The following PSMD14 variants were observed in gnomAD, a reference collection of about 807,000 sequenced individuals.
PSMD14 encodes the protein ubiquitin C-terminal hydrolase PSMD14.
A neutral mutation model predicts 41.2 loss-of-function variants in PSMD14; 7 were observed. The observed-to-expected ratio is 0.17, with a 90% CI of 0.10 to 0.32. PSMD14 has a LOEUF of 0.32. Ranked by LOEUF, PSMD14 falls within the 10% of genes least tolerant of loss-of-function variation. The pLI, the probability that PSMD14 is intolerant of heterozygous loss-of-function variation, is 1.00. For missense variants in PSMD14, 139 were observed against 375.6 expected (o/e 0.37, Z 5.21); for synonymous variants, 114 against 122.3 (o/e 0.93, Z 0.45).
At chr2:161,335,121 A>G (rs929429690) in intron 3 of PSMD14, among the ~76,000 whole-genome samples, 4 of 152,216 alleles carry the variant, frequency 2.6e-5, no homozygotes, top group Non-Finnish European at 4.4e-5. Context: ...GTATTTTTAA[A>G]TAGGTAAATA....
chr2:161,347,970 T>C (rs1446988272), intron 3 of PSMD14, among the ~76,000 whole-genome samples: 2 of 152,180 alleles, frequency 1.3e-5, no homozygotes, highest in East Asian at 1.9e-4. Flanking sequence ...AAGGTATTAG[T>C]CAATTATGTG....
intron 10 of PSMD14, among the ~76,000 whole-genome samples, chr2:161,396,693 G>C (rs1176445296): frequency 6.6e-6 from 1 of 152,168 alleles, no homozygotes; most frequent in African/African-American, 2.4e-5. Context: ...ACATGTTTAA[G>C]AAACAATATG....
chr2:161,348,086 A>G (rs1479235910), intron 3 of PSMD14, among the ~76,000 whole-genome samples: 1 of 152,198 alleles, frequency 6.6e-6, no homozygotes, highest in Non-Finnish European at 1.5e-5. Context: ...TGCTAGTGAG[A>G]GTATACAACC....
intron 7 of PSMD14, chr2:161,383,920 T>G: frequency 6.6e-6 from 1 of 151,692 alleles, no homozygotes; most frequent in Admixed American, 6.6e-5. Context: ...TTGAAGTTAT[T>G]TATGATAACA....
chr2:161,389,956 T>G, intron 8 of PSMD14, among the ~76,000 whole-genome samples: 1 of 144,284 alleles, frequency 6.9e-6, no homozygotes, highest in East Asian at 2.2e-4. Context: ...TCTTGAACTC[T>G]TGGGCTTAAG....
At chr2:161,391,912 A>T (rs573838291) in intron 9 of PSMD14, among the ~76,000 whole-genome samples, 1 of 152,290 alleles carries the variant, frequency 6.6e-6, no homozygotes, top group East Asian at 1.9e-4. Context: ...TGCTTTTAGA[A>T]AACATACCAT....
At chr2:161,374,289 T>C (rs1267298148) in intron 7 of PSMD14, among the ~76,000 whole-genome samples, 1 of 151,992 alleles carries the variant, frequency 6.6e-6, no homozygotes, top group Non-Finnish European at 1.5e-5. Context: ...TAGTTTTCTG[T>C]AGGTATTATG....
intron 7 of PSMD14, among the ~76,000 whole-genome samples, chr2:161,375,444 G>A (rs1683490456): frequency 1.3e-5 from 2 of 152,002 alleles, no homozygotes; most frequent in Admixed American, 6.6e-5. Flanking sequence ...CACAGTAAAT[G>A]CAAATTAAAA....
intron 8 of PSMD14, among the ~76,000 whole-genome samples, chr2:161,386,175 A>G (rs1683633158): frequency 6.6e-6 from 1 of 151,822 alleles, no homozygotes; most frequent in South Asian, 2.1e-4. Context: ...TTTTCTTTGT[A>G]TCATTCACAT....
intron 3 of PSMD14, among the ~76,000 whole-genome samples, chr2:161,335,933 A>G (rs1252038700): frequency 6.6e-6 from 1 of 152,234 alleles, no homozygotes; most frequent in Non-Finnish European, 1.5e-5. Flanking sequence ...TAGAAGTAAT[A>G]TATGTAATGG....
chr2:161,367,561 A>G lies in PSMD14; in HGVS notation c.120+12A>G, dbSNP rs994125490. 5 of 1,582,970 alleles carry G rather than the reference A, an allele frequency of 3.2e-6. No homozygotes were observed. The Admixed American group carries it at 7.1e-5, about 22-fold the overall frequency. On this transcript the variant is annotated intron_variant, in intron 4 of 11. Coordinates refer to ENST00000409682, the MANE Select transcript of PSMD14 (RefSeq NM_005805.6). The stretch of plus-strand genomic sequence containing the variant: ...TGGCACTGTTAAAAGTAGGTAATGA[A>G]TGTAGTTACTTGCTTTAGAGAACTC...
intron 1 of PSMD14, among the ~76,000 whole-genome samples, chr2:161,311,994 C>T (rs181757010): frequency 3.4e-4 from 52 of 152,178 alleles, no homozygotes; most frequent in African/African-American, 1.1e-3. Context: ...TTGACTCACT[C>T]ACGATCTTCC....
intron 3 of PSMD14, among the ~76,000 whole-genome samples, chr2:161,325,946 G>A (rs1428743675): frequency 6.6e-6 from 1 of 152,030 alleles, no homozygotes; most frequent in Non-Finnish European, 1.5e-5. Flanking sequence ...AGCCAGTAAG[G>A]GGGAAAACTA....
At chr2:161,323,423 G>A (rs914375162) in intron 3 of PSMD14, among the ~76,000 whole-genome samples, 1 of 152,030 alleles carries the variant, frequency 6.6e-6, no homozygotes, top group African/African-American at 2.4e-5. Flanking sequence ...CAGCCCTTTG[G>A]GAGACCGAGG....
At chr2:161,365,506 T>C (rs1168855790) in intron 3 of PSMD14, among the ~76,000 whole-genome samples, 7 of 152,116 alleles carry the variant, frequency 4.6e-5, no homozygotes, top group African/African-American at 7.2e-5. Flanking sequence ...GATGGTTTGA[T>C]GTTTTATTTC....
intron 3 of PSMD14, among the ~76,000 whole-genome samples, chr2:161,343,196 CTG>C (rs768663621): frequency 1.2e-4 from 19 of 152,318 alleles, no homozygotes; most frequent in Middle Eastern, 6.8e-3. Context: ...AACTGAAACT[CTG>C]TACCCATTAG....
intron 10 of PSMD14, among the ~76,000 whole-genome samples, chr2:161,401,643 C>T (rs988072077): frequency 1.4e-4 from 22 of 152,206 alleles, no homozygotes; most frequent in Non-Finnish European, 2.1e-4. Flanking sequence ...CACACACAAG[C>T]ATGTGTGCAC....
chr2:161,395,489 A>T (rs973975401), intron 10 of PSMD14, among the ~76,000 whole-genome samples: 1 of 152,228 alleles, frequency 6.6e-6, no homozygotes, highest in Non-Finnish European at 1.5e-5. Context: ...GTTGTAGACC[A>T]TGTAATACAG....
intron 1 of PSMD14, among the ~76,000 whole-genome samples, chr2:161,315,196 T>C (rs1246771157): frequency 6.6e-6 from 1 of 152,250 alleles, no homozygotes; most frequent in Non-Finnish European, 1.5e-5. Flanking sequence ...GGATAGGTGC[T>C]GCTGTTGTCT....
Sources: allele counts gnomAD v4.1 joint callset (sites outside exome capture counted in the v4.1 genomes callset), GRCh38; gene constraint gnomAD v4.1.1; transcripts MANE v1.5; gene names NCBI Gene and HGNC (gene_info 2026-07-23, HGNC 2026-07-21).